Variants in TMEM129 observed in about 807,000 individuals in gnomAD.
The protein encoded by TMEM129 is transmembrane protein 129, E3 ubiquitin ligase.
Under a neutral mutation model 34.1 loss-of-function variants are expected in TMEM129, and 35 were observed. The ratio of observed to expected loss-of-function variants is 1.03; its 90% CI spans 0.78 to 1.36. The LOEUF (loss-of-function observed/expected upper bound fraction) is 1.36, where lower values mean the gene tolerates loss of function less well. TMEM129 is among the 40% of genes most tolerant of loss of function. The probability of loss-of-function intolerance (pLI) is 0.00; values close to 1 mark genes in which losing one functional copy is unlikely to be tolerated. For missense variants in TMEM129, 504 were observed against 512.6 expected (o/e 0.98, Z 0.16); for synonymous variants, 239 against 217.3 (o/e 1.10, Z -0.88).
chr4:1,717,916 G>C, intron 2 of TMEM129: 1 of 681,274 alleles, frequency 1.5e-6, no homozygotes, highest in East Asian at 2.7e-5. Flanking sequence ...AGAATCTGGG[G>C]GAGGTGGCTC....
intron 1 of TMEM129, chr4:1,719,030 A>G (rs798754): frequency 0.78 from 1,004,193 of 1,287,618 alleles, 396,272 homozygotes; most frequent in East Asian, 0.86. Flanking sequence ...CCAGAGCTGA[A>G]AAGTTATGTG....
At position 1,716,780 on chromosome 4, in the gene TMEM129, C is replaced by G. The variant is rs1716979230; in HGVS notation, c.*400G>C. On this transcript the variant is annotated 3_prime_UTR_variant, in exon 4 of 4. Coordinates refer to ENST00000382936, the MANE Select transcript of TMEM129 (RefSeq NM_001127266.2). ...CAGGGCAGGAGAATGCGGTCCAGGT[C>G]TGGCACGTAACTGAGGGTGGGTATG... 1.1e-5 allele frequency: 2 copies of G among 183,746 alleles called. No individual in the cohort carries two copies. The highest frequency in any genetic ancestry group is 2.2e-5 in the Non-Finnish European group (2 of 89,192). 11.4% of individuals were successfully genotyped at this position (183,746 alleles called of 1,614,324 possible). A position where few individuals can be genotyped will look rare whatever the true frequency, so the allele number is the denominator to read the frequency against.
At position 1,717,231 on chromosome 4, in the gene TMEM129, G is replaced by T; in HGVS notation, c.1038C>A (p.Cys346Ter). Residue 346 changes from cysteine (C) to a stop codon, truncating the protein, a stop_gained, in exon 4 of 4, where the codon TGC (cysteine) becomes TGA (stop). Transcript: ENST00000382936. LOFTEE classifies it high-confidence loss of function. ...TGCAGAAGCGTGCGCGGCAGGTGGG[G>T]CAGGGCACGCGGCTGGCCAGCCAGG... is the stretch of plus-strand genomic sequence containing the variant. ...PDTWLASRVPCPTCRARFCIL... is the reference protein window; with the variant it reads ...PDTWLASRVP The T allele has an allele frequency of 6.6e-7, 1 of 1,504,220 alleles. No individual in the cohort carries two copies. The allele number at this position is 1,504,220 out of a possible 1,614,324, so 93.2% of individuals were successfully genotyped here.
Position 1,718,403 on chromosome 4 carries a change from G to C in TMEM129, c.429C>G (p.Ser143=), listed in dbSNP as rs1397531753. Residue 143 remains serine, a synonymous_variant, in exon 2 of 4, where the codon TCC becomes TCG. Coordinates refer to ENST00000382936, the MANE Select transcript of TMEM129 (RefSeq NM_001127266.2). ...TCCGCCGGAACTCAGTGTTGACAGA[G>C]GAGGCAACAGCCTGCCAGCCAGACT... ...LPQSGWQAVA[S]SVNTEFRRID... The C allele has an allele frequency of 1.9e-6, 3 of 1,605,850 alleles. No homozygotes were observed. The highest frequency in any genetic ancestry group is 2.7e-5 in the African/African-American group (2 of 74,932).
At position 1,717,690 on chromosome 4, in the gene TMEM129, G is replaced by GCTGCTGGGCCCCT. The variant is rs549205545; in HGVS notation, c.681-28_681-16dup. 2.6e-3 allele frequency: 3,831 copies of GCTGCTGGGCCCCT among 1,490,856 alleles called. 7 individuals carry two copies. Among genetic ancestry groups the GCTGCTGGGCCCCT allele is most frequent in the Admixed American group, 3.8e-3 (165 of 43,112 alleles). 92.4% of individuals were successfully genotyped at this position (1,490,856 alleles called of 1,614,324 possible). On this transcript the variant is annotated splice_polypyrimidine_tract_variant and intron_variant, in intron 2 of 3. Transcript: ENST00000382936. ...TGGAGTTCAGCCTGCAGGGAGGAGA[G>GCTGCTGGGCCCCT]CTGCTGGGCCCCTCTGCAGGGCAAA...
rs1330280190 is a variant in TMEM129, at chr4:1,718,262, A to G, written c.570T>C (p.Thr190=). Residue 190 remains threonine, a synonymous_variant, in exon 2 of 4, where the codon ACT becomes ACC. Coordinates refer to ENST00000382936, the MANE Select transcript of TMEM129 (RefSeq NM_001127266.2). ...GCTCATGCTGCCGAGACTCCGTCAC[A>G]GTCAGGTGCACGTCCTGCTGCTGGG... The part of the protein sequence containing the change: ...HVAQQQDVHL[T]VTESRQHELS... The G allele has an allele frequency of 1.9e-6, 3 of 1,611,290 alleles. No homozygotes were observed. Among genetic ancestry groups the G allele is most frequent in the Non-Finnish European group, 8.5e-7 (1 of 1,179,028 alleles).
rs542420061 is a variant in TMEM129, at chr4:1,718,489, A to G, written c.343T>C (p.Ser115Pro). Reference protein sequence around the residue: ...SIACILIYYWSRDRWACHPLA... With the variant: ...SIACILIYYWPRDRWACHPLA... ...GGGTGGCAGGCCCACCGGTCACGGG[A>G]CCAGTAGTAGATCAGGATGCAGGCG... The change falls in exon 2 of 4, where the codon TCC (serine) becomes CCC (proline). Residue 115 changes from serine to proline, a missense_variant. By Grantham distance (74) the Ser-to-Pro change is moderately conservative (BLOSUM62 -1). Transcript: ENST00000382936. 26 of 1,548,646 alleles carry G rather than the reference A, an allele frequency of 1.7e-5. No homozygotes were observed. In the South Asian group the frequency reaches 3.1e-4, roughly 18 times the overall value.
rs546786007 is a variant in TMEM129 at position 1,717,103 on chromosome 4, C to T, written c.*77G>A. On this transcript the variant is annotated 3_prime_UTR_variant, in exon 4 of 4. Transcript: ENST00000382936. ...GCTTTAAGTAGAGCCCTTTGCCAGC[C>T]AGGAGGCCCAGCCACCCCCTTCCCT... 26 of 1,376,818 alleles carry T rather than the reference C, an allele frequency of 1.9e-5. No individual in the cohort carries two copies. Among genetic ancestry groups the T allele is most frequent in the South Asian group, 1.4e-4 (8 of 58,384 alleles). 85.3% of individuals were successfully genotyped at this position (1,376,818 alleles called of 1,614,324 possible).
chr4:1,720,687 A>G lies in TMEM129; in HGVS notation c.151T>C (p.Phe51Leu), dbSNP rs1252194163. The G allele has an allele frequency of 6.4e-7, 1 of 1,552,292 alleles. No individual in the cohort carries two copies. Among genetic ancestry groups the G allele is most frequent in the East Asian group, 2.4e-5 (1 of 40,976 alleles). Residue 51 changes from phenylalanine to leucine, a missense_variant, in exon 1 of 4, where the codon TTC becomes CTC. Coordinates refer to ENST00000382936, the MANE Select transcript of TMEM129 (RefSeq NM_001127266.2). The surrounding 1 kb of genome is among the most constrained non-coding windows in gnomAD (Gnocchi z 4.4). ...LGSEDAAFVP[F>L]HLRRTAATLL... ...GTGGCGGCCGTGCGGCGCAAGTGGAAGGGCACGAAGGCGGCGTCCTCGCTG... is the reference window on the plus strand; with the variant it reads ...GTGGCGGCCGTGCGGCGCAAGTGGAGGGGCACGAAGGCGGCGTCCTCGCTG...
chr4:1,718,258 T>C lies in TMEM129; in HGVS notation c.574A>G (p.Thr192Ala). ...GAGAGCTCATGCTGCCGAGACTCCG[T>C]CACAGTCAGGTGCACGTCCTGCTGC... is the stretch of plus-strand genomic sequence containing the variant. ...AQQQDVHLTVTESRQHELSPD... is the reference protein window; with the variant it reads ...AQQQDVHLTVAESRQHELSPD... The change falls in exon 2 of 4, where the codon ACG becomes GCG. Residue 192 changes from threonine to alanine, a missense_variant. By Grantham distance (58) the Thr-to-Ala change is moderately conservative. Transcript: ENST00000382936. 1.9e-6 allele frequency: 3 copies of C among 1,610,766 alleles called. No individual in the cohort carries two copies. Among genetic ancestry groups the C allele is most frequent in the Non-Finnish European group, 1.7e-6 (2 of 1,178,742 alleles).
In TMEM129 at chr4:1,720,043, C is replaced by T. The variant is rs1009825877; in HGVS notation, c.205+590G>A. ...CTGCACACCCCACCTCCCACCTGTC[C>T]GTCATCCAATCAGCTGAGAGAGGGA... On this transcript the variant is annotated intron_variant, in intron 1 of 3. Coordinates refer to ENST00000382936, the MANE Select transcript of TMEM129 (RefSeq NM_001127266.2). The surrounding 1 kb of genome is among the most constrained non-coding windows in gnomAD (Gnocchi z 4.4). Among the ~76,000 whole-genome samples, 7 of 151,996 alleles carry T rather than the reference C, an allele frequency of 4.6e-5. No individual in the cohort carries two copies. The highest frequency in any genetic ancestry group is 7.4e-5 in the Non-Finnish European group (5 of 67,952).
chr4:1,717,328 C>G lies in TMEM129; in HGVS notation c.941G>C (p.Cys314Ser). 2 of 1,537,654 alleles carry G rather than the reference C, an allele frequency of 1.3e-6. No individual in the cohort carries two copies. The highest frequency in any genetic ancestry group is 2.4e-5 in the South Asian group (2 of 83,768). Residue 314 changes from cysteine (C) to serine (S), a missense_variant, in exon 4 of 4, where the codon TGC becomes TCC. By Grantham distance (112) the Cys-to-Ser change is moderately radical. Coordinates refer to ENST00000382936, the MANE Select transcript of TMEM129 (RefSeq NM_001127266.2). ...AATGECQQCYCRPMWCLTCMG... is the reference protein window; with the variant it reads ...AATGECQQCYSRPMWCLTCMG... ...GCAGGTGAGGCACCACATGGGGCGG[C>G]AGTAACACTGCTGGCACTCGCCTGT...
Position 1,717,413 on chromosome 4 carries a change from T to C in TMEM129, c.856A>G (p.Ile286Val). The change falls in exon 4 of 4, where the codon ATA becomes GTA. Residue 286 changes from isoleucine to valine, a missense_variant. Transcript: ENST00000382936. ...VPSSQELEAC[I>V]GCMQTRASVK... Reference sequence around the variant, plus strand: ...CTGGCACGTGTCTGCATGCAGCCTATGCAGGCCTCCAGCTCCTGCGGGCAG... The same window carrying C: ...CTGGCACGTGTCTGCATGCAGCCTACGCAGGCCTCCAGCTCCTGCGGGCAG... The C allele has an allele frequency of 6.6e-7, 1 of 1,520,174 alleles. No homozygotes were observed. The highest frequency in any genetic ancestry group is 8.9e-7 in the Non-Finnish European group (1 of 1,123,332). The allele number at this position is 1,520,174 out of a possible 1,614,324, so 94.2% of individuals were successfully genotyped here.
chr4:1,718,712 C>A, intron 1 of TMEM129, 86 bp from the exon 2 acceptor site: 16 of 1,423,146 alleles, frequency 1.1e-5, no homozygotes, highest in Non-Finnish European at 1.4e-5. Flanking sequence ...GCCCTCTGCC[C>A]GGGTTCCAGG....
chr4:1,717,190 G>A lies in TMEM129; in HGVS notation c.1079C>T (p.Thr360Ile), dbSNP rs747203646. Residue 360 changes from threonine (T) to isoleucine (I), a missense_variant, in exon 4 of 4, where the codon ACC becomes ATC. Physicochemically the swap from Thr to Ile is moderately conservative, Grantham distance 89. Coordinates refer to ENST00000382936, the MANE Select transcript of TMEM129 (RefSeq NM_001127266.2). ...RARFCILDVC[T>I]VR ...AAGGCCCCAGCCCACTCAGCGCACG[G>A]TGCACACATCCAGGATGCAGAAGCG... 2.3e-5 allele frequency: 34 copies of A among 1,464,950 alleles called. No individual in the cohort carries two copies. The highest frequency in any genetic ancestry group is 2.8e-5 in the Non-Finnish European group (31 of 1,102,354). 90.7% of individuals were successfully genotyped at this position (1,464,950 alleles called of 1,614,324 possible).
chr4:1,720,497 G>A lies in TMEM129; in HGVS notation c.205+136C>T. ...GCTCAGCCCACGCCGCGGTCCCTCT[G>A]GATGAGGACCGGCGCCTCTCCCCAG... On this transcript the variant is annotated intron_variant, in intron 1 of 3. Transcript: ENST00000382936. The surrounding 1 kb of genome is among the most constrained non-coding windows in gnomAD (Gnocchi z 4.4). The A allele has an allele frequency of 2.6e-6, 3 of 1,171,338 alleles. No individual in the cohort carries two copies. Among genetic ancestry groups the A allele is most frequent in the Non-Finnish European group, 2.3e-6 (2 of 862,794 alleles). The allele number at this position is 1,171,338 out of a possible 1,614,324, so 72.6% of individuals were successfully genotyped here. A position where few individuals can be genotyped will look rare whatever the true frequency, so the allele number is the denominator to read the frequency against.
At position 1,717,534 on chromosome 4, in the gene TMEM129, G is replaced by A. The variant is rs1296459161; in HGVS notation, c.822C>T (p.Tyr274=). The change falls in exon 3 of 4, where the codon TAC becomes TAT. Residue 274 remains tyrosine (Y), a synonymous_variant. Coordinates refer to ENST00000382936, the MANE Select transcript of TMEM129 (RefSeq NM_001127266.2). ...CCCCCACCTGGCTGCTGGGCACTGA[G>A]TAGGCCGGGTTGACCTCTACCAGGG... ...FASLVEVNPA[Y]SVPSSQELEA... is the part of the protein sequence containing the mutation. 1 of 1,539,372 alleles carries A rather than the reference G, an allele frequency of 6.5e-7. No homozygotes were observed.
Position 1,716,213 on chromosome 4 carries a change from C to T in TMEM129, c.*967G>A, listed in dbSNP as rs1448543047. The stretch of plus-strand genomic sequence containing the variant: ...ATCACCTCTGCCTCAAACAGCCAAG[C>T]CCAGGGGCTTTGGGGCCGCAGGTAT... On this transcript the variant is annotated 3_prime_UTR_variant, in exon 4 of 4. Transcript: ENST00000382936. The T allele has an allele frequency of 6.6e-6, 1 of 152,316 alleles. No individual in the cohort carries two copies. Among genetic ancestry groups the T allele is most frequent in the East Asian group, 1.9e-4 (1 of 5,188 alleles). 9.4% of individuals were successfully genotyped at this position (152,316 alleles called of 1,614,324 possible). A position where few individuals can be genotyped will look rare whatever the true frequency, so the allele number is the denominator to read the frequency against.
intron 2 of TMEM129, 166 bp from the exon 3 acceptor site, chr4:1,717,841 C>A (rs558299435): frequency 9.8e-7 from 1 of 1,020,048 alleles, no homozygotes; most frequent in African/African-American, 1.6e-5. Context: ...AGCCTGGGCA[C>A]GGGACGGACC....
Sources: gnomAD v4.1 joint callset for allele counts (sites outside exome capture counted in the v4.1 genomes callset) on GRCh38, gnomAD v4.1.1 for gene constraint, Gnocchi (gnomAD v3.1) non-coding constraint, MANE v1.5 for transcripts, NCBI Gene and HGNC (gene_info 2026-07-23, HGNC 2026-07-21) for gene names.